Variants in AFAP1L2 observed in about 807,000 individuals in gnomAD.
The protein encoded by AFAP1L2 is actin filament-associated protein 1-like 2.
Under a neutral mutation model 99.3 loss-of-function variants are expected in AFAP1L2, and 46 were observed. The observed-to-expected ratio is 0.46, with a 90% CI of 0.37 to 0.59. AFAP1L2 has a LOEUF of 0.59. Ranked by LOEUF, AFAP1L2 falls within the 20% of genes least tolerant of loss-of-function variation. AFAP1L2 has a pLI of 0.00. For synonymous variants in AFAP1L2, 397 were observed against 419.1 expected (o/e 0.95, Z 0.64); for missense variants, 959 against 1,034.9 (o/e 0.93, Z 1.01).
In AFAP1L2 at chr10:114,295,013, T is replaced by G; in HGVS notation, c.*1029A>C. On this transcript the variant is annotated 3_prime_UTR_variant, in exon 19 of 19. Transcript: ENST00000304129. ...ATAATAGATGAAATGTTTCAACCTGTGTTAAAAAAAAAAAAAAAAAAATGC... is the reference window on the plus strand; with the variant it reads ...ATAATAGATGAAATGTTTCAACCTGGGTTAAAAAAAAAAAAAAAAAAATGC... 1.1e-6 allele frequency: 1 copy of G among 887,674 alleles called. No individual in the cohort carries two copies. The highest frequency in any genetic ancestry group is 1.3e-6 in the Non-Finnish European group (1 of 778,174). 55.0% of individuals were successfully genotyped at this position (887,674 alleles called of 1,614,324 possible).
At chr10:114,366,174 G>A (rs912842439) in intron 1 of AFAP1L2, among the ~76,000 whole-genome samples, 3 of 152,192 alleles carry the variant, frequency 2.0e-5, no homozygotes, top group African/African-American at 7.2e-5. Flanking sequence ...AGAGCTGTGT[G>A]CCCTTCTTCC....
Position 114,295,301 on chromosome 10 carries a change from G to T in AFAP1L2, c.*741C>A. 1.0e-6 allele frequency: 1 copy of T among 984,866 alleles called. No homozygotes were observed. Among genetic ancestry groups the T allele is most frequent in the Non-Finnish European group, 1.2e-6 (1 of 829,056 alleles). 61.0% of individuals were successfully genotyped at this position (984,866 alleles called of 1,614,324 possible). Reference sequence around the variant, plus strand: ...AAAGATACTTTTCACTGTTCTAAATGACAGGATTTTAAGCATTTTTTCCTA... The same window carrying T: ...AAAGATACTTTTCACTGTTCTAAATTACAGGATTTTAAGCATTTTTTCCTA... On this transcript the variant is annotated 3_prime_UTR_variant, in exon 19 of 19. Coordinates refer to ENST00000304129, the MANE Select transcript of AFAP1L2 (RefSeq NM_001001936.3).
downstream of AFAP1L2, among the ~76,000 whole-genome samples, chr10:114,290,622 A>G (rs2039488621): frequency 6.6e-6 from 1 of 152,232 alleles, no homozygotes; most frequent in Non-Finnish European, 1.5e-5. Flanking sequence ...GACAGACAAT[A>G]AGCAAATAAT....
At chr10:114,312,801 C>T (rs2134609241) in intron 7 of AFAP1L2, among the ~76,000 whole-genome samples, 1 of 152,350 alleles carries the variant, frequency 6.6e-6, no homozygotes, top group South Asian at 2.1e-4. Context: ...CACTGTCTTT[C>T]ACCACTTGAA....
chr10:114,354,532 A>G (rs930628145), intron 1 of AFAP1L2, among the ~76,000 whole-genome samples: 5 of 152,198 alleles, frequency 3.3e-5, no homozygotes, highest in African/African-American at 1.2e-4. Flanking sequence ...GGCCCCACCT[A>G]AGCCATAGGA....
intron 1 of AFAP1L2, among the ~76,000 whole-genome samples, chr10:114,341,119 C>CT (rs1246645757): frequency 6.6e-6 from 1 of 152,246 alleles, no homozygotes; most frequent in East Asian, 1.9e-4. Flanking sequence ...GAGCTCTGCT[C>CT]TTAGAGCTGT....
intron 7 of AFAP1L2, among the ~76,000 whole-genome samples, chr10:114,312,234 AGTGTGTGTGTGTGTGT>A (rs58275552): frequency 0.15 from 22,156 of 144,704 alleles, 2,403 homozygotes; most frequent in African/African-American, 0.31. Context: ...GCAAGAGCAG[AGTGTGTGTGTGTGTGT>A]GTGTGTGTGT....
chr10:114,313,234 T>C (rs2043543474), intron 7 of AFAP1L2, among the ~76,000 whole-genome samples: 1 of 152,076 alleles, frequency 6.6e-6, no homozygotes, highest in Non-Finnish European at 1.5e-5. Context: ...TGGGGATCCA[T>C]TCCTGGTGCA....
At chr10:114,339,785 GGA>G (rs2048519878) in intron 2 of AFAP1L2, among the ~76,000 whole-genome samples, 1 of 147,774 alleles carries the variant, frequency 6.8e-6, no homozygotes, top group African/African-American at 2.5e-5. Flanking sequence ...AGGCTGAGGT[GGA>G]TGGATCACCT....
At chr10:114,302,650 C>A (rs528579153) in intron 11 of AFAP1L2, among the ~76,000 whole-genome samples, 166 bp from the exon 12 acceptor site, 2 of 152,184 alleles carry the variant, frequency 1.3e-5, no homozygotes. Context: ...TCCCACCCCC[C>A]AGTGGCCCCA....
chr10:114,300,829 C>G (rs2041039611), intron 13 of AFAP1L2, 139 bp from the exon 14 acceptor site: 1 of 1,175,124 alleles, frequency 8.5e-7, no homozygotes, highest in African/African-American at 1.5e-5. Flanking sequence ...GGGGGGGCCA[C>G]TGGCTGAGTC....
intron 1 of AFAP1L2, among the ~76,000 whole-genome samples, chr10:114,395,830 C>T (rs946277524): frequency 3.9e-5 from 6 of 152,188 alleles, no homozygotes; most frequent in African/African-American, 7.2e-5. Flanking sequence ...TCAAACCAGA[C>T]GCGGGCCTTG....
intron 12 of AFAP1L2, 183 bp from the exon 13 acceptor site, chr10:114,301,648 T>C: frequency 1.7e-6 from 1 of 576,670 alleles, no homozygotes; most frequent in Non-Finnish European, 3.1e-6. Context: ...CAGTGCCTTC[T>C]TCCTGAAATT....
At chr10:114,327,492 T>C (rs1429617328) in intron 4 of AFAP1L2, among the ~76,000 whole-genome samples, 4 of 151,906 alleles carry the variant, frequency 2.6e-5, no homozygotes, top group African/African-American at 7.2e-5. Flanking sequence ...CTGAAAAACT[T>C]TGACTGTTTG....
the AFAP1L2 span, chr10:114,286,343 G>T: frequency 6.2e-7 from 1 of 1,613,440 alleles, no homozygotes; most frequent in Middle Eastern, 1.7e-4. Flanking sequence ...AGCGCGTCAC[G>T]CAAGGGCGCG....
chr10:114,324,648 G>A (rs1038042920), intron 4 of AFAP1L2, among the ~76,000 whole-genome samples: 11 of 152,240 alleles, frequency 7.2e-5, no homozygotes, highest in Non-Finnish European at 1.2e-4. Context: ...TCTTGATTTT[G>A]AGAAGTCCTT....
intron 1 of AFAP1L2, among the ~76,000 whole-genome samples, chr10:114,392,192 C>T (rs1385333470): frequency 1.3e-5 from 2 of 152,098 alleles, no homozygotes; most frequent in Admixed American, 6.5e-5. Flanking sequence ...TCAAGACCAG[C>T]CTGGTCAACA....
chr10:114,283,330 C>T, the AFAP1L2 span, among the ~76,000 whole-genome samples: 1 of 151,366 alleles, frequency 6.6e-6, no homozygotes, highest in African/African-American at 2.4e-5. Context: ...GGGTAGCGAG[C>T]AGTTAGACAC....
At chr10:114,320,289 G>A (rs867771691) in intron 5 of AFAP1L2, among the ~76,000 whole-genome samples, 2 of 152,204 alleles carry the variant, frequency 1.3e-5, no homozygotes, top group African/African-American at 4.8e-5. Context: ...GGGGAGCGGT[G>A]TGGGGATAGG....
Sources: allele counts gnomAD v4.1 joint callset (sites outside exome capture counted in the v4.1 genomes callset), GRCh38; gene constraint gnomAD v4.1.1; transcripts MANE v1.5; gene names NCBI Gene and HGNC (gene_info 2026-07-23, HGNC 2026-07-21).